ADAM32: variants seen among roughly 807,000 people sequenced by gnomAD.
ADAM32 encodes the protein disintegrin and metalloproteinase domain-containing protein 32.
Under a neutral mutation model 114.9 loss-of-function variants are expected in ADAM32, and 89 were observed. The ratio of observed to expected loss-of-function variants is 0.77; its 90% CI spans 0.65 to 0.92. The LOEUF is 0.92. Among genes scored for constraint, ADAM32 ranks in the 40% least tolerant of loss-of-function variants. The pLI, the probability that ADAM32 is intolerant of heterozygous loss-of-function variation, is 0.00. For missense variants in ADAM32, 870 were observed against 932.8 expected (o/e 0.93, Z 0.88); for synonymous variants, 285 against 307.5 (o/e 0.93, Z 0.77).
At chr8:39,239,389 C>T (rs1039951219) in intron 16 of ADAM32, among the ~76,000 whole-genome samples, 5 of 152,094 alleles carry the variant, frequency 3.3e-5, no homozygotes, top group African/African-American at 1.2e-4. Flanking sequence ...TTGCTACTAC[C>T]AAACCAGCAC....
At chr8:39,267,738 A>G (rs1812456079) in intron 19 of ADAM32, among the ~76,000 whole-genome samples, 1 of 152,170 alleles carries the variant, frequency 6.6e-6, no homozygotes, top group Non-Finnish European at 1.5e-5. Flanking sequence ...TCATGCCTCC[A>G]TTGGCTGGAG....
chr8:39,186,279 G>A (rs1397286950), intron 10 of ADAM32, among the ~76,000 whole-genome samples: 6 of 152,082 alleles, frequency 3.9e-5, no homozygotes, highest in Non-Finnish European at 8.8e-5. Flanking sequence ...GCCAGCTTTG[G>A]TGATAATTTG....
chr8:39,221,573 T>C (rs1330594182), intron 12 of ADAM32, 37 bp from the exon 13 acceptor site: 19 of 1,479,330 alleles, frequency 1.3e-5, no homozygotes, highest in Non-Finnish European at 1.7e-5. Flanking sequence ...ACTATTGTCA[T>C]GATGTATTTT....
chr8:39,190,793 G>C (rs10448058), intron 11 of ADAM32, among the ~76,000 whole-genome samples: 1 of 151,942 alleles, frequency 6.6e-6, no homozygotes, highest in Non-Finnish European at 1.5e-5. Context: ...TAGGTTCAGG[G>C]GTACCTGTGC....
chr8:39,276,529 G>C (rs1813080899), intron 22 of ADAM32, among the ~76,000 whole-genome samples: 1 of 152,082 alleles, frequency 6.6e-6, no homozygotes, highest in Non-Finnish European at 1.5e-5. Flanking sequence ...ACATTTATAG[G>C]GGGCTAGTGT....
chr8:39,248,526 G>A (rs879268172), intron 17 of ADAM32, among the ~76,000 whole-genome samples: 3 of 152,070 alleles, frequency 2.0e-5, no homozygotes, highest in African/African-American at 4.8e-5. Context: ...ATTGGCTTTT[G>A]TGCATTAACC....
intron 12 of ADAM32, among the ~76,000 whole-genome samples, chr8:39,212,455 C>T (rs969341987): frequency 3.9e-4 from 59 of 151,942 alleles, no homozygotes; most frequent in African/African-American, 1.1e-3. Context: ...TTTCATCATC[C>T]CCAAAAGCTT....
At chr8:39,242,694 G>A (rs1810642500) in intron 16 of ADAM32, among the ~76,000 whole-genome samples, 1 of 152,038 alleles carries the variant, frequency 6.6e-6, no homozygotes, top group Non-Finnish European at 1.5e-5. Context: ...ATTTGGCTGG[G>A]AACACAGCCA....
chr8:39,119,087 A>C (rs1224544996), intron 2 of ADAM32, among the ~76,000 whole-genome samples: 1 of 152,162 alleles, frequency 6.6e-6, no homozygotes, highest in Non-Finnish European at 1.5e-5. Context: ...TTTATATCTT[A>C]TATGTGGATA....
At chr8:39,242,217 A>G (rs1810607588) in intron 16 of ADAM32, among the ~76,000 whole-genome samples, 1 of 152,180 alleles carries the variant, frequency 6.6e-6, no homozygotes, top group Admixed American at 6.5e-5. Context: ...GGTCCAAACC[A>G]TTTGACAAGC....
chr8:39,227,925 A>G (rs1809493591), intron 14 of ADAM32, among the ~76,000 whole-genome samples: 2 of 152,166 alleles, frequency 1.3e-5, no homozygotes, highest in East Asian at 1.9e-4. Flanking sequence ...CATGGAGTCC[A>G]TTACGCCCTC....
chr8:39,209,355 C>T (rs1045983344), intron 11 of ADAM32, among the ~76,000 whole-genome samples: 1 of 152,060 alleles, frequency 6.6e-6, no homozygotes, highest in African/African-American at 2.4e-5. Flanking sequence ...TTAAGTATCT[C>T]TGATAATTAA....
chr8:39,186,053 A>G (rs1486621849), intron 10 of ADAM32, among the ~76,000 whole-genome samples: 1 of 152,196 alleles, frequency 6.6e-6, no homozygotes, highest in East Asian at 1.9e-4. Context: ...ATGTCAATCC[A>G]TGACTACAGA....
At chr8:39,256,649 T>C (rs1324451832) in intron 18 of ADAM32, among the ~76,000 whole-genome samples, 1 of 152,000 alleles carries the variant, frequency 6.6e-6, no homozygotes, top group Non-Finnish European at 1.5e-5. Flanking sequence ...AGAGAATATG[T>C]TTAGGTCTAT....
intron 2 of ADAM32, among the ~76,000 whole-genome samples, chr8:39,126,529 ATCCTG>A (rs1802126985): frequency 2.0e-5 from 3 of 152,176 alleles, no homozygotes; most frequent in African/African-American, 7.2e-5. Flanking sequence ...TTGATTTTGT[ATCCTG>A]ATACTTTGCT....
chr8:39,206,484 A>G (rs1356480489), intron 11 of ADAM32, among the ~76,000 whole-genome samples: 3 of 152,164 alleles, frequency 2.0e-5, no homozygotes, highest in Non-Finnish European at 2.9e-5. Flanking sequence ...AGGCCCCAGG[A>G]CAGCATGTTA....
intron 10 of ADAM32, among the ~76,000 whole-genome samples, chr8:39,171,497 T>C (rs1451980570): frequency 6.6e-6 from 1 of 152,158 alleles, no homozygotes; most frequent in African/African-American, 2.4e-5. Context: ...CAAAATGTGA[T>C]TTTGCAGCAC....
chr8:39,143,717 G>A (rs988677894), intron 3 of ADAM32, among the ~76,000 whole-genome samples: 1 of 152,186 alleles, frequency 6.6e-6, no homozygotes, highest in African/African-American at 2.4e-5. Flanking sequence ...CTCAAATGCT[G>A]TGCTGAGAGA....
At chr8:39,129,954 CCTTT>C in intron 2 of ADAM32, 1 of 222,512 alleles carries the variant, frequency 4.5e-6, no homozygotes. Context: ...CATCACATTT[CCTTT>C]TTTTTTTTTT....
Sources: gnomAD v4.1 joint callset for allele counts (sites outside exome capture counted in the v4.1 genomes callset) on GRCh38, gnomAD v4.1.1 for gene constraint, MANE v1.5 for transcripts, NCBI Gene and HGNC (gene_info 2026-07-23, HGNC 2026-07-21) for gene names.